Variants in BCR observed in about 807,000 individuals in gnomAD.
The protein encoded by BCR is breakpoint cluster region protein.
A neutral mutation model predicts 138.6 loss-of-function variants in BCR; 58 were observed. The ratio of observed to expected loss-of-function variants is 0.42; its 90% CI spans 0.34 to 0.52. The LOEUF is 0.52. Among genes scored for constraint, BCR ranks in the 20% least tolerant of loss-of-function variants. BCR has a pLI of 0.06. For synonymous variants in BCR, 786 were observed against 730.1 expected (o/e 1.08, Z -1.23); for missense variants, 1,599 against 1,727.2 (o/e 0.93, Z 1.32).
At chr22:23,195,624 C>T (rs992815926) in intron 1 of BCR, among the ~76,000 whole-genome samples, 3 of 151,574 alleles carry the variant, frequency 2.0e-5, no homozygotes, top group Non-Finnish European at 4.4e-5. Context: ...CGGTGGCTCG[C>T]GCCTGTAATC....
intron 1 of BCR, among the ~76,000 whole-genome samples, chr22:23,230,121 C>T (rs1390420581): frequency 2.6e-5 from 4 of 150,970 alleles, no homozygotes; most frequent in African/African-American, 9.8e-5. Context: ...TGCTGGGAGG[C>T]AAAATTCCAA....
Position 23,298,306 on chromosome 22 carries a change from G to A in BCR, c.3012+3151G>A, listed in dbSNP as rs76807206. 2.5e-3 allele frequency among the ~76,000 whole-genome samples: 387 copies of A among 152,302 alleles called. 1 individual carries two copies. Among genetic ancestry groups the A allele is most frequent in the African/African-American group, 9.0e-3 (374 of 41,562 alleles). On this transcript the variant is annotated intron_variant, in intron 16 of 22. Coordinates refer to ENST00000305877, the MANE Select transcript of BCR (RefSeq NM_004327.4). The stretch of plus-strand genomic sequence containing the variant: ...GTGGGGTGAGGAATCTGATCAGATA[G>A]CAAGGGCAGGGGGTTCTGGCTAAAC...
intron 16 of BCR, among the ~76,000 whole-genome samples, chr22:23,304,233 C>G (rs936942220): frequency 6.6e-6 from 1 of 151,524 alleles, no homozygotes; most frequent in Non-Finnish European, 1.5e-5. Context: ...AACCACCGTG[C>G]CCAGCCCCTG....
intron 1 of BCR, among the ~76,000 whole-genome samples, chr22:23,200,241 C>T (rs1023231311): frequency 1.3e-5 from 2 of 152,146 alleles, no homozygotes; most frequent in Admixed American, 6.5e-5. Flanking sequence ...GGACCAGAGC[C>T]GGTGGCTTAG....
Position 23,312,937 on chromosome 22 carries a change from G to A in BCR, c.3373G>A (p.Ala1125Thr), listed in dbSNP as rs762056930. Residue 1125 changes from alanine (A) to threonine (T), a missense_variant, in exon 20 of 23, where the codon GCA (alanine) becomes ACA (threonine). Ala to Thr is a moderately conservative substitution (Grantham distance 58). Transcript: ENST00000305877. ...GAGCGAGATGGACGTGAACGCCATC[G>A]CAGGCACGCTGAAGCTGTACTTCCG... ...MMSEMDVNAI[A>T]GTLKLYFREL... 5 of 1,590,386 alleles carry A rather than the reference G, an allele frequency of 3.1e-6. No homozygotes were observed. The highest frequency in any genetic ancestry group is 1.1e-5 in the South Asian group (1 of 90,854).
At chr22:23,216,945 T>C (rs970575440) in intron 1 of BCR, 4 of 386,014 alleles carry the variant, frequency 1.0e-5, no homozygotes, top group Admixed American at 3.0e-5. Flanking sequence ...CCGGATTCTG[T>C]TGGTACAGTG....
rs2072252015 is a variant in BCR at position 23,181,256 on chromosome 22, C to T, written c.296C>T (p.Pro99Leu). ...EPRASASRPQPAPADGADPPP... is the reference protein window; with the variant it reads ...EPRASASRPQLAPADGADPPP... Reference sequence around the variant, plus strand: ...CGAGCGTCCGCGTCGCGCCCGCAGCCAGCGCCCGCCGACGGAGCCGACCCG... The same window carrying T: ...CGAGCGTCCGCGTCGCGCCCGCAGCTAGCGCCCGCCGACGGAGCCGACCCG... Residue 99 changes from proline (P) to leucine (L), a missense_variant, in exon 1 of 23, where the codon CCA becomes CTA. This residue lies in a region of BCR where 806 missense variants were observed against 635.0 expected (regional missense o/e 1.27). Transcript: ENST00000305877. 3.2e-6 allele frequency: 4 copies of T among 1,248,034 alleles called. No homozygotes were observed. Among genetic ancestry groups the T allele is most frequent in the Non-Finnish European group, 4.0e-6 (4 of 989,722 alleles). The allele number at this position is 1,248,034 out of a possible 1,614,324, so 77.3% of individuals were successfully genotyped here. A position where few individuals can be genotyped will look rare whatever the true frequency, so the allele number is the denominator to read the frequency against.
intron 1 of BCR, among the ~76,000 whole-genome samples, chr22:23,186,535 GAAT>G (rs1207172396): frequency 1.3e-5 from 2 of 152,142 alleles, no homozygotes; most frequent in Non-Finnish European, 2.9e-5. Context: ...TGTACCCAGT[GAAT>G]AATAACTCCC....
chr22:23,180,689 A>G lies in BCR; in HGVS notation c.-272A>G, dbSNP rs2072229957. ...GCGGCGGCCTGGCGGAGCGGAGAGC[A>G]GCGCCCGCGCCTCGCCGTGCGGAGG... is the stretch of plus-strand genomic sequence containing the variant. On this transcript the variant is annotated 5_prime_UTR_variant, in exon 1 of 23. Coordinates refer to ENST00000305877, the MANE Select transcript of BCR (RefSeq NM_004327.4). The G allele has an allele frequency of 6.6e-6, 1 of 150,384 alleles. No individual in the cohort carries two copies. 9.3% of individuals were successfully genotyped at this position (150,384 alleles called of 1,614,324 possible). A position where few individuals can be genotyped will look rare whatever the true frequency, so the allele number is the denominator to read the frequency against.
rs778044913 is a variant in BCR, at chr22:23,253,750, G to A, written c.1280-49G>A. 18 of 1,567,796 alleles carry A rather than the reference G, an allele frequency of 1.1e-5. No individual in the cohort carries two copies. In the South Asian group the frequency reaches 2.1e-4, roughly 19 times the overall value. On this transcript the variant is annotated intron_variant, in intron 1 of 22. Coordinates refer to ENST00000305877, the MANE Select transcript of BCR (RefSeq NM_004327.4). The stretch of plus-strand genomic sequence containing the variant: ...TGCTTGCTGGGATGGGTTGAGTATG[G>A]ATGCTCCCTTCTCTGTCTCTAACAC...
intron 1 of BCR, among the ~76,000 whole-genome samples, chr22:23,225,032 G>A (rs2072872841): frequency 6.6e-6 from 1 of 151,864 alleles, no homozygotes. Flanking sequence ...AGCTGGCTGG[G>A]ATGCTGCAGG....
At chr22:23,242,244 A>T (rs1375546923) in intron 1 of BCR, among the ~76,000 whole-genome samples, 1 of 152,184 alleles carries the variant, frequency 6.6e-6, no homozygotes, top group African/African-American at 2.4e-5. Flanking sequence ...ATTCTTGAGC[A>T]GTCACTGGGA....
chr22:23,195,443 T>G lies in BCR; in HGVS notation c.1279+13204T>G, dbSNP rs541598883. Among the ~76,000 whole-genome samples the G allele has an allele frequency of 1.0e-4, 14 of 138,330 alleles. No individual in the cohort carries two copies. The East Asian group carries it at 2.7e-3, about 27-fold the overall frequency. 90.7% of individuals were successfully genotyped at this position (138,330 alleles called of 152,430 possible). A position where few individuals can be genotyped will look rare whatever the true frequency, so the allele number is the denominator to read the frequency against. ...CTCAAAAAAAAAAAAAAAAAAAATA[T>G]CAGCTGGGCATGTTGGTGCACGCCT... On this transcript the variant is annotated intron_variant, in intron 1 of 22. Coordinates refer to ENST00000305877, the MANE Select transcript of BCR (RefSeq NM_004327.4).
At position 23,188,248 on chromosome 22, in the gene BCR, C is replaced by G. The variant is rs80155703; in HGVS notation, c.1279+6009C>G. On this transcript the variant is annotated intron_variant, in intron 1 of 22. Coordinates refer to ENST00000305877, the MANE Select transcript of BCR (RefSeq NM_004327.4). ...CTAGATCAAATTTTACAAGCGTTCT[C>G]TGGTTCAGGAAGGCTGACTTGTTTT... Among the ~76,000 whole-genome samples the G allele has an allele frequency of 2.8e-3, 426 of 152,310 alleles. 3 individuals are homozygous for G. The highest frequency in any genetic ancestry group is 1.0e-2 in the African/African-American group (415 of 41,546).
At chr22:23,283,932 A>G (rs751529304) in intron 8 of BCR, 45 bp from the exon 9 acceptor site, 1 of 1,529,062 alleles carries the variant, frequency 6.5e-7, no homozygotes, top group East Asian at 2.4e-5. Flanking sequence ...CCCCCCACCC[A>G]TCACCCCAGG....
At chr22:23,276,449 G>T (rs892694713) in intron 8 of BCR, among the ~76,000 whole-genome samples, 2 of 151,832 alleles carry the variant, frequency 1.3e-5, no homozygotes, top group African/African-American at 4.8e-5. Context: ...AAAGGCAGGG[G>T]CCTGGATCTG....
intron 1 of BCR, among the ~76,000 whole-genome samples, chr22:23,195,165 A>T (rs1171568709): frequency 2.0e-5 from 3 of 152,102 alleles, no homozygotes; most frequent in Admixed American, 2.0e-4. Flanking sequence ...TCACGCCTGT[A>T]ATCCTAGCAC....
At chr22:23,257,693 G>A (rs773945234) in intron 2 of BCR, among the ~76,000 whole-genome samples, 6 of 152,294 alleles carry the variant, frequency 3.9e-5, no homozygotes, top group Non-Finnish European at 4.4e-5. Flanking sequence ...GCAGAGAGGG[G>A]GTGTCATAGG....
intron 16 of BCR, among the ~76,000 whole-genome samples, chr22:23,305,977 C>A (rs1322924761): frequency 1.3e-5 from 2 of 152,224 alleles, no homozygotes; most frequent in East Asian, 3.9e-4. Context: ...TAAATAACTG[C>A]ACGAGAGAGC....
Sources: gnomAD v4.1 joint callset for allele counts (sites outside exome capture counted in the v4.1 genomes callset) on GRCh38, gnomAD v4.1.1 for gene constraint, gnomAD v4.1.1 regional missense constraint, MANE v1.5 for transcripts, NCBI Gene and HGNC (gene_info 2026-07-23, HGNC 2026-07-21) for gene names.